MAN1A2: variants seen among roughly 807,000 people sequenced by gnomAD.
MAN1A2 encodes mannosyl-oligosaccharide 1,2-alpha-mannosidase IB.
MAN1A2 carries 26 observed loss-of-function variants against 75.7 expected under a neutral mutation model. That is an observed-to-expected ratio of 0.34 (90% CI 0.25 to 0.48). MAN1A2 has a LOEUF of 0.48. Among genes scored for constraint, MAN1A2 ranks in the 20% least tolerant of loss-of-function variants. The pLI is 0.99. For missense variants in MAN1A2, 562 were observed against 775.5 expected (o/e 0.72, Z 3.27); for synonymous variants, 247 against 264.6 (o/e 0.93, Z 0.65).
intron 1 of MAN1A2, among the ~76,000 whole-genome samples, chr1:117,386,407 A>G (rs1178031079): frequency 6.6e-6 from 1 of 152,096 alleles, no homozygotes; most frequent in East Asian, 1.9e-4. Flanking sequence ...TGAGGGCACT[A>G]TTGCATTTAA....
chr1:117,398,503 G>A (rs1028617973), intron 1 of MAN1A2, among the ~76,000 whole-genome samples: 1 of 151,912 alleles, frequency 6.6e-6, no homozygotes, highest in Middle Eastern at 3.2e-3. Flanking sequence ...GTGAAACCCC[G>A]TTTCTACTAA....
At chr1:117,474,386 GT>G (rs3835642) in intron 8 of MAN1A2, among the ~76,000 whole-genome samples, 29 of 147,246 alleles carry the variant, frequency 2.0e-4, no homozygotes, top group African/African-American at 3.5e-4. Flanking sequence ...TATTCCATGA[GT>G]TTTTTTTTTT....
At chr1:117,397,152 A>G (rs3767794) in intron 1 of MAN1A2, among the ~76,000 whole-genome samples, 21,528 of 152,114 alleles carry the variant, frequency 0.14, 1,737 homozygotes, top group South Asian at 0.22. Flanking sequence ...CTTGCCCTCT[A>G]GTTGATATTG....
At chr1:117,432,187 A>G (rs1160742969) in intron 5 of MAN1A2, among the ~76,000 whole-genome samples, 5 of 152,252 alleles carry the variant, frequency 3.3e-5, no homozygotes, top group Non-Finnish European at 5.9e-5. Context: ...CAGAAGACAG[A>G]TTACCAATAG....
rs1342069690 is a variant in MAN1A2 at position 117,525,077 on chromosome 1, T to G, written c.*2120T>G. On this transcript the variant is annotated 3_prime_UTR_variant, in exon 13 of 13. Coordinates refer to ENST00000356554, the MANE Select transcript of MAN1A2 (RefSeq NM_006699.5). ...AAGAATGCAGAGTAAAGGGACCTTC[T>G]TGGTTCTGCAGGAACTTCTCAAGGG... 1 of 522,994 alleles carries G rather than the reference T, an allele frequency of 1.9e-6. No individual in the cohort carries two copies. The highest frequency in any genetic ancestry group is 3.9e-6 in the Non-Finnish European group (1 of 255,118). 32.4% of individuals were successfully genotyped at this position (522,994 alleles called of 1,614,324 possible).
rs556451071 is a variant in MAN1A2 at position 117,524,929 on chromosome 1, G to A, written c.*1972G>A. Reference sequence around the variant, plus strand: ...GTTCTAAAAAATGTTAGCCTTCCTCGTAAAAGTAGCACAAGCCCACTTATG... The same window carrying A: ...GTTCTAAAAAATGTTAGCCTTCCTCATAAAAGTAGCACAAGCCCACTTATG... On this transcript the variant is annotated 3_prime_UTR_variant, in exon 13 of 13. Transcript: ENST00000356554. 211 of 317,720 alleles carry A rather than the reference G, an allele frequency of 6.6e-4. 2 individuals carry two copies. The highest frequency in any genetic ancestry group is 3.9e-3 in the African/African-American group (183 of 46,340). The allele number at this position is 317,720 out of a possible 1,614,324, so 19.7% of individuals were successfully genotyped here. A position where few individuals can be genotyped will look rare whatever the true frequency, so the allele number is the denominator to read the frequency against.
rs1457189530 is a variant in MAN1A2 at position 117,493,146 on chromosome 1, G to A, written c.1169-1G>A. ...TCCTTCTGTTTTCTCCTTTGTTACA[G>A]ATCATACATCTGTCGGTGGCCTGGG... On this transcript the variant is annotated splice_acceptor_variant, in intron 8 of 12. Coordinates refer to ENST00000356554, the MANE Select transcript of MAN1A2 (RefSeq NM_006699.5). LOFTEE classifies it high-confidence loss of function. The A allele has an allele frequency of 1.3e-6, 2 of 1,554,044 alleles. No homozygotes were observed. The highest frequency in any genetic ancestry group is 1.8e-6 in the Non-Finnish European group (2 of 1,126,324).
chr1:117,375,593 C>A (rs1211621082), intron 1 of MAN1A2, among the ~76,000 whole-genome samples: 1 of 152,172 alleles, frequency 6.6e-6, no homozygotes, highest in Non-Finnish European at 1.5e-5. Context: ...TAGTCACAAT[C>A]ATTTGTTCAG....
chr1:117,465,525 A>C (rs1649955157), intron 7 of MAN1A2, among the ~76,000 whole-genome samples: 1 of 152,168 alleles, frequency 6.6e-6, no homozygotes, highest in Admixed American at 6.5e-5. Flanking sequence ...TTGATATTGT[A>C]CTCAGGTCCA....
chr1:117,460,505 T>G lies in MAN1A2; in HGVS notation c.967T>G (p.Trp323Gly). The G allele has an allele frequency of 6.2e-7, 1 of 1,612,326 alleles. No individual in the cohort carries two copies. The highest frequency in any genetic ancestry group is 8.5e-7 in the Non-Finnish European group (1 of 1,179,196). Residue 323 changes from tryptophan to glycine, a missense_variant, in exon 7 of 13, where the codon TGG (tryptophan) becomes GGG (glycine). Trp to Gly is a radical substitution (Grantham distance 184). Coordinates refer to ENST00000356554, the MANE Select transcript of MAN1A2 (RefSeq NM_006699.5). ...VNLKSGVGRN[W>G]GWASAGSSIL... is the part of the protein sequence containing the mutation. The stretch of plus-strand genomic sequence containing the variant: ...TTCATTCAGTGGAGTAGGGCGAAAC[T>G]GGGGCTGGGCATCTGCAGGTAGCAG...
At chr1:117,459,325 G>T (rs1233406364) in intron 6 of MAN1A2, among the ~76,000 whole-genome samples, 2 of 152,108 alleles carry the variant, frequency 1.3e-5, no homozygotes, top group Non-Finnish European at 1.5e-5. Context: ...CATATATGGG[G>T]CAAGCAAGAC....
chr1:117,437,490 T>G (rs1648883485), intron 5 of MAN1A2, among the ~76,000 whole-genome samples: 1 of 152,146 alleles, frequency 6.6e-6, no homozygotes, highest in Non-Finnish European at 1.5e-5. Flanking sequence ...TAAAATATTT[T>G]TGAGGAATTT....
Position 117,493,183 on chromosome 1 carries a change from A to G in MAN1A2, c.1205A>G (p.Tyr402Cys). The G allele has an allele frequency of 6.2e-7, 1 of 1,612,236 alleles. No individual in the cohort carries two copies. The highest frequency in any genetic ancestry group is 8.5e-7 in the Non-Finnish European group (1 of 1,178,908). ...TSVGGLGDSFYEYLLKAWLMS... is the reference protein window; with the variant it reads ...TSVGGLGDSFCEYLLKAWLMS... ...GTCGGTGGCCTGGGAGACAGTTTTTATGAATACTTACTGAAAGCATGGTTG... is the reference window on the plus strand; with the variant it reads ...GTCGGTGGCCTGGGAGACAGTTTTTGTGAATACTTACTGAAAGCATGGTTG... Residue 402 changes from tyrosine to cysteine, a missense_variant, in exon 9 of 13, where the codon TAT (tyrosine) becomes TGT (cysteine). By Grantham distance (194) the Tyr-to-Cys change is radical. This residue lies in a region of MAN1A2 where 434 missense variants were observed against 645.7 expected (regional missense o/e 0.67). Transcript: ENST00000356554.
intron 2 of MAN1A2, 110 bp downstream of exon 2, chr1:117,402,551 A>G: frequency 1.9e-6 from 2 of 1,040,134 alleles, no homozygotes; most frequent in Non-Finnish European, 2.7e-6. Context: ...CTTGGGTCAT[A>G]GTTGTAGTAT....
chr1:117,430,239 C>T (rs1236759730), intron 5 of MAN1A2, among the ~76,000 whole-genome samples: 14 of 124,814 alleles, frequency 1.1e-4, no homozygotes, highest in East Asian at 9.4e-4. Context: ...CCGGACGGCA[C>T]GGCTGGCCAG....
Position 117,522,999 on chromosome 1 carries a change from C to G in MAN1A2, c.*42C>G. On this transcript the variant is annotated 3_prime_UTR_variant, in exon 13 of 13. Transcript: ENST00000356554. Reference sequence around the variant, plus strand: ...ACCATTCTCACCTGTGTTTTGTTTACATGGACCACTACAGAAATTAGTTTG... The same window carrying G: ...ACCATTCTCACCTGTGTTTTGTTTAGATGGACCACTACAGAAATTAGTTTG... 1 of 1,605,630 alleles carries G rather than the reference C, an allele frequency of 6.2e-7. No homozygotes were observed. The highest frequency in any genetic ancestry group is 1.1e-5 in the South Asian group (1 of 90,750).
intron 8 of MAN1A2, among the ~76,000 whole-genome samples, chr1:117,489,685 C>A (rs1650821167): frequency 6.6e-6 from 1 of 151,988 alleles, no homozygotes; most frequent in African/African-American, 2.4e-5. Context: ...CGCTTAAGAT[C>A]ATTTACTTGG....
intron 10 of MAN1A2, among the ~76,000 whole-genome samples, chr1:117,498,820 T>C (rs12141846): frequency 0.12 from 18,229 of 151,942 alleles, 1,150 homozygotes; most frequent in Non-Finnish European, 0.14. Context: ...TTCTTATAGC[T>C]GTGCTATAAT....
intron 12 of MAN1A2, among the ~76,000 whole-genome samples, chr1:117,509,700 C>G (rs1349046268): frequency 6.6e-6 from 1 of 151,750 alleles, no homozygotes; most frequent in Non-Finnish European, 1.5e-5. Flanking sequence ...TGTTTAAACA[C>G]TATAATGTGT....
Sources: gnomAD v4.1 joint callset for allele counts (sites outside exome capture counted in the v4.1 genomes callset) on GRCh38, gnomAD v4.1.1 for gene constraint, gnomAD v4.1.1 regional missense constraint, MANE v1.5 for transcripts, NCBI Gene and HGNC (gene_info 2026-07-23, HGNC 2026-07-21) for gene names.